Variants in WDPCP observed in about 807,000 individuals in gnomAD.
WDPCP encodes WD repeat containing planar cell polarity effector.
In WDPCP, 71 loss-of-function variants were observed where a neutral mutation model predicts 93.1. That is an observed-to-expected ratio of 0.76 (90% CI 0.63 to 0.93). The LOEUF is 0.93. WDPCP is among the 40% of genes least tolerant of loss of function. The pLI, the probability that WDPCP is intolerant of heterozygous loss-of-function variation, is 0.00. For missense variants in WDPCP, 844 were observed against 887.4 expected (o/e 0.95, Z 0.62); for synonymous variants, 315 against 315.0 (o/e 1.00, Z 0.00).
intron 2 of WDPCP, among the ~76,000 whole-genome samples, chr2:63,769,430 C>T (rs1458935598): frequency 6.6e-6 from 1 of 151,878 alleles, no homozygotes; most frequent in Non-Finnish European, 1.5e-5. Flanking sequence ...GTTAAAGTAG[C>T]AGCTAAAATA....
At chr2:63,199,750 C>T (rs990794233) in intron 14 of WDPCP, among the ~76,000 whole-genome samples, 2 of 152,214 alleles carry the variant, frequency 1.3e-5, no homozygotes, top group South Asian at 2.1e-4. Flanking sequence ...GCCCCCCAAC[C>T]GACCCACAGA....
chr2:63,572,560 AGGCATGGTGGCG>A, intron 1 of WDPCP, among the ~76,000 whole-genome samples: 1 of 151,352 alleles, frequency 6.6e-6, no homozygotes, highest in Non-Finnish European at 1.5e-5. Context: ...AAAATTAGCC[AGGCATGGTGGCG>A]GGCGCCTGTA....
chr2:63,733,577 G>A (rs548615751), intron 2 of WDPCP, among the ~76,000 whole-genome samples: 65 of 152,320 alleles, frequency 4.3e-4, no homozygotes, highest in Admixed American at 6.5e-4. Context: ...GAGGGCAGAA[G>A]CATTTAGCTG....
At chr2:63,211,769 C>T (rs1438240376) in intron 14 of WDPCP, among the ~76,000 whole-genome samples, 1 of 152,056 alleles carries the variant, frequency 6.6e-6, no homozygotes, top group Non-Finnish European at 1.5e-5. Flanking sequence ...TAGAGAAGAC[C>T]TTAGATGACC....
At chr2:63,625,128 C>A (rs772325740) in intron 3 of WDPCP, among the ~76,000 whole-genome samples, 3 of 152,100 alleles carry the variant, frequency 2.0e-5, no homozygotes, top group East Asian at 1.9e-4. Context: ...AAATGCAACA[C>A]CCCTTCATGC....
intron 15 of WDPCP, among the ~76,000 whole-genome samples, chr2:63,173,236 C>T (rs1315564738): frequency 6.6e-6 from 1 of 150,862 alleles, no homozygotes; most frequent in Non-Finnish European, 1.5e-5. Context: ...CCATTGCACT[C>T]CAGCCTGGGC....
chr2:63,547,496 G>C (rs1232603129), intron 1 of WDPCP, among the ~76,000 whole-genome samples: 1 of 151,866 alleles, frequency 6.6e-6, no homozygotes, highest in Non-Finnish European at 1.5e-5. Flanking sequence ...ATTTGCTAAA[G>C]TATGGAATAA....
At chr2:63,426,783 G>T (rs1158072272) in intron 9 of WDPCP, among the ~76,000 whole-genome samples, 2 of 152,166 alleles carry the variant, frequency 1.3e-5, no homozygotes, top group African/African-American at 4.8e-5. Context: ...TGAATAAAAA[G>T]ACAAGGTCCA....
chr2:63,421,064 A>G (rs1022807418), intron 9 of WDPCP, among the ~76,000 whole-genome samples: 4 of 152,208 alleles, frequency 2.6e-5, no homozygotes, highest in Non-Finnish European at 4.4e-5. Context: ...ATAATAGTGA[A>G]TGAGAGTTCC....
intron 15 of WDPCP, among the ~76,000 whole-genome samples, chr2:63,163,288 A>G (rs1268556135): frequency 6.6e-6 from 1 of 152,166 alleles, no homozygotes; most frequent in Non-Finnish European, 1.5e-5. Flanking sequence ...AATTGATTAT[A>G]CCCTTTCATT....
chr2:63,622,743 T>C (rs1709759825), intron 3 of WDPCP: 15 of 1,613,158 alleles, frequency 9.3e-6, no homozygotes, highest in Admixed American at 1.7e-5. Context: ...ATGTTTGCTA[T>C]AGGGATTCGG....
intron 12 of WDPCP, chr2:63,368,860 G>A (rs1360285219): frequency 1.3e-5 from 2 of 152,412 alleles, no homozygotes; most frequent in Non-Finnish European, 2.9e-5. Context: ...TATTTTATGT[G>A]TTATGGTCTT....
chr2:63,517,689 G>A (rs1050122301), intron 1 of WDPCP, among the ~76,000 whole-genome samples: 2 of 152,018 alleles, frequency 1.3e-5, no homozygotes, highest in Non-Finnish European at 2.9e-5. Context: ...TTAATTTCTA[G>A]TTGTATTGCA....
upstream of WDPCP, among the ~76,000 whole-genome samples, chr2:63,829,354 T>G (rs183607157): frequency 1.2e-4 from 18 of 152,256 alleles, no homozygotes; most frequent in East Asian, 3.3e-3. Flanking sequence ...GGTGCCAACA[T>G]CAAACTGTTT....
Position 63,404,353 on chromosome 2 carries a change from TC to T in WDPCP, c.1129del (p.Glu377AsnfsTer6). The part of the protein sequence containing the change: ...HRRVTLLAQT[E>X]LLPSLISCHP... ...GCAGCTTATTAATGAAGGCAAAAGTTCAGTCTGTGCTAAGAGAGTCACTCTA... is the reference window on the plus strand; with the variant it reads ...GCAGCTTATTAATGAAGGCAAAAGTTAGTCTGTGCTAAGAGAGTCACTCTA... On this transcript the variant is annotated frameshift_variant, in exon 10 of 18. Transcript: ENST00000272321. LOFTEE classifies it high-confidence loss of function. 1 of 1,614,146 alleles carries T rather than the reference TC, an allele frequency of 6.2e-7. No homozygotes were observed. The highest frequency in any genetic ancestry group is 8.5e-7 in the Non-Finnish European group (1 of 1,180,008).
chr2:63,766,443 C>T (rs1272228264), intron 2 of WDPCP, among the ~76,000 whole-genome samples: 2 of 151,836 alleles, frequency 1.3e-5, no homozygotes, highest in Non-Finnish European at 2.9e-5. Flanking sequence ...GATTCTTCCA[C>T]CTCAGCCTTC....
chr2:63,303,685 T>C (rs1375186129), intron 13 of WDPCP, among the ~76,000 whole-genome samples: 1 of 152,102 alleles, frequency 6.6e-6, no homozygotes, highest in Non-Finnish European at 1.5e-5. Flanking sequence ...GGCAACACGG[T>C]AAAGATTCAC....
intron 7 of WDPCP, among the ~76,000 whole-genome samples, chr2:63,438,708 A>T (rs973478839): frequency 7.2e-5 from 11 of 152,054 alleles, no homozygotes; most frequent in African/African-American, 2.7e-4. Flanking sequence ...GCCATCCTGC[A>T]GAGTTCTTTT....
intron 2 of WDPCP, among the ~76,000 whole-genome samples, chr2:63,656,308 G>C (rs1710164955): frequency 6.6e-6 from 1 of 152,186 alleles, no homozygotes. Context: ...CTCAGACCTA[G>C]AGCCCTACAG....
Sources: gnomAD v4.1 joint callset for allele counts (sites outside exome capture counted in the v4.1 genomes callset) on GRCh38, gnomAD v4.1.1 for gene constraint, MANE v1.5 for transcripts, NCBI Gene and HGNC (gene_info 2026-07-23, HGNC 2026-07-21) for gene names.